ZC3H12D: variants seen among roughly 807,000 people sequenced by gnomAD.
ZC3H12D encodes the protein probable ribonuclease ZC3H12D.
Under a neutral mutation model 24.2 loss-of-function variants are expected in ZC3H12D, and 11 were observed. The ratio of observed to expected loss-of-function variants is 0.46; its 90% CI spans 0.29 to 0.75. The LOEUF is 0.75. Among genes scored for constraint, ZC3H12D ranks in the 30% least tolerant of loss-of-function variants. The pLI is 0.11. For missense variants in ZC3H12D, 740 were observed against 767.7 expected, an observed-to-expected ratio of 0.96 and a Z score of 0.43; for synonymous variants, 333 against 341.8, an observed-to-expected ratio of 0.97 and a Z score of 0.28.
At chr6:149,479,621 T>G (rs1776393022) in intron 1 of ZC3H12D, among the ~76,000 whole-genome samples, 1 of 152,194 alleles carries the variant, frequency 6.6e-6, no homozygotes, top group East Asian at 1.9e-4. Flanking sequence ...CTCAAGACAC[T>G]GAATTACTCA....
intron 1 of ZC3H12D, among the ~76,000 whole-genome samples, chr6:149,481,890 G>A (rs1675330369): frequency 6.6e-6 from 1 of 152,244 alleles, no homozygotes; most frequent in Non-Finnish European, 1.5e-5. Context: ...TGGGTCAGGT[G>A]ACTTCTCTTC....
rs965270224 is a variant in ZC3H12D at position 149,481,189 on chromosome 6, C to T, written c.-71+3624G>A. ...CTCAGAAGCCTTCCCACCCCGACAG[C>T]CCCAGCCACCTCCATCCCTCCCCAC... On this transcript the variant is annotated intron_variant, in intron 1 of 5. Coordinates refer to ENST00000409806, the MANE Select transcript of ZC3H12D (RefSeq NM_207360.3). 4.6e-5 allele frequency among the ~76,000 whole-genome samples: 7 copies of T among 151,734 alleles called. 1 individual carries two copies. Among genetic ancestry groups the T allele is most frequent in the African/African-American group, 1.5e-4 (6 of 41,314 alleles).
chr6:149,453,862 C>G (rs1218439631), intron 4 of ZC3H12D, among the ~76,000 whole-genome samples: 1 of 152,144 alleles, frequency 6.6e-6, no homozygotes, highest in Non-Finnish European at 1.5e-5. Flanking sequence ...GAGCTAGACT[C>G]TATCATCTCT....
chr6:149,453,100 C>T (rs1212235719), intron 4 of ZC3H12D, among the ~76,000 whole-genome samples: 1 of 129,158 alleles, frequency 7.7e-6, no homozygotes, highest in Admixed American at 8.4e-5. Flanking sequence ...GCCTGGACAA[C>T]ATAGTGAAAC....
In ZC3H12D at chr6:149,456,560, C is replaced by T. The variant is rs1775982324; in HGVS notation, c.680+106G>A. 11 of 971,146 alleles carry T rather than the reference C, an allele frequency of 1.1e-5. No homozygotes were observed. The Admixed American group carries it at 2.0e-4, about 18-fold the overall frequency. The allele number at this position is 971,146 out of a possible 1,614,324, so 60.2% of individuals were successfully genotyped here. On this transcript the variant is annotated intron_variant, in intron 4 of 5. Coordinates refer to ENST00000409806, the MANE Select transcript of ZC3H12D (RefSeq NM_207360.3). The surrounding 1 kb of genome is among the most constrained non-coding windows in gnomAD (Gnocchi z 4.3). ...AGCTCTGTCTGAGGGGCTGGGTGAC[C>T]GGGTGACCCCAAGCTCCTCCACCTG... is the stretch of plus-strand genomic sequence containing the variant.
rs75156427 is a variant in ZC3H12D, at chr6:149,450,796, G to A, written c.1471C>T (p.Arg491Cys). The A allele has an allele frequency of 4.0e-3, 6,121 of 1,548,998 alleles. 198 individuals are homozygous for A. In the African/African-American group the frequency reaches 0.075, roughly 19 times the overall value. ...ARIALYSVFP[R>C]DQVDRVMAAF... ...GCCATCACGCGGTCCACCTGGTCAC[G>A]CGGGAAGACGCTGTAGAGCGCGATG... The change falls in exon 6 of 6, where the codon CGT (arginine) becomes TGT (cysteine). Residue 491 changes from arginine to cysteine, a missense_variant. Physicochemically the swap from Arg to Cys is radical, Grantham distance 180. Coordinates refer to ENST00000409806, the MANE Select transcript of ZC3H12D (RefSeq NM_207360.3).
rs141728581 is a variant in ZC3H12D, at chr6:149,458,096, T to A, written c.446-1196A>T. Among the ~76,000 whole-genome samples, 9 of 140,318 alleles carry A rather than the reference T, an allele frequency of 6.4e-5. No homozygotes were observed. In the East Asian group the frequency reaches 1.8e-3, roughly 28 times the overall value. The allele number at this position is 140,318 out of a possible 152,430, so 92.1% of individuals were successfully genotyped here. On this transcript the variant is annotated intron_variant, in intron 3 of 5. Transcript: ENST00000409806. ...AAAATGCAGATTATGAGAATCATTT[T>A]CTTTCTTTCTTTTTCTTTTTTTTTT...
intron 2 of ZC3H12D, among the ~76,000 whole-genome samples, chr6:149,473,115 G>T (rs1395259777): frequency 6.8e-6 from 1 of 146,658 alleles, no homozygotes; most frequent in African/African-American, 2.6e-5. Flanking sequence ...ATGCCAGGGA[G>T]ACTTAGCTGG....
intron 2 of ZC3H12D, among the ~76,000 whole-genome samples, chr6:149,464,742 C>CT (rs1448974632): frequency 6.6e-6 from 1 of 152,160 alleles, no homozygotes. Flanking sequence ...TGAGAAGCAG[C>CT]TAGAGGAGAA....
At position 149,447,985 on chromosome 6, in the gene ZC3H12D, G is replaced by A. The variant is rs1026958648; in HGVS notation, c.*2698C>T. ...AATAGAAAGCGTGTCTTGTCAAAAG[G>A]TTAAAAATAAAAATAAAGGCCCGGG... On this transcript the variant is annotated 3_prime_UTR_variant, in exon 6 of 6. Transcript: ENST00000409806. The A allele has an allele frequency of 3.3e-5, 5 of 152,096 alleles. No homozygotes were observed. The highest frequency in any genetic ancestry group is 2.1e-4 in the South Asian group (1 of 4,814). 9.4% of individuals were successfully genotyped at this position (152,096 alleles called of 1,614,324 possible). A position where few individuals can be genotyped will look rare whatever the true frequency, so the allele number is the denominator to read the frequency against.
intron 1 of ZC3H12D, among the ~76,000 whole-genome samples, chr6:149,480,305 A>G (rs1776404362): frequency 6.6e-6 from 1 of 152,274 alleles, no homozygotes; most frequent in Non-Finnish European, 1.5e-5. Context: ...ATCACAGAAT[A>G]CTATGCAGAC....
chr6:149,483,185 G>T (rs1164505248), intron 1 of ZC3H12D: 1 of 152,222 alleles, frequency 6.6e-6, no homozygotes, highest in Non-Finnish European at 1.5e-5. Flanking sequence ...CAGAGCTAGA[G>T]GCCCTCAGTG....
In ZC3H12D at chr6:149,447,078, G is replaced by A. The variant is rs1041011399; in HGVS notation, c.*3605C>T. On this transcript the variant is annotated 3_prime_UTR_variant, in exon 6 of 6. Transcript: ENST00000409806. The stretch of plus-strand genomic sequence containing the variant: ...AGTCTAGGAAATGGGCAAGCAGCCT[G>A]TGTCCTTGGGAACTGCCTGCTGCAC... The A allele has an allele frequency of 2.0e-5, 3 of 152,198 alleles. No homozygotes were observed. Among genetic ancestry groups the A allele is most frequent in the Non-Finnish European group, 2.9e-5 (2 of 68,042 alleles). 9.4% of individuals were successfully genotyped at this position (152,198 alleles called of 1,614,324 possible).
chr6:149,455,967 AAGAC>A (rs991436338), intron 4 of ZC3H12D, among the ~76,000 whole-genome samples: 3 of 151,538 alleles, frequency 2.0e-5, no homozygotes, highest in Admixed American at 6.6e-5. Context: ...AAAAAAAAAA[AAGAC>A]AGCCAGGCAC....
chr6:149,454,063 T>C (rs1002988577), intron 4 of ZC3H12D, among the ~76,000 whole-genome samples: 1 of 152,178 alleles, frequency 6.6e-6, no homozygotes, highest in Admixed American at 6.5e-5. Context: ...AGGTGCTGCC[T>C]GCACATACAG....
chr6:149,483,928 G>A (rs571743029), intron 1 of ZC3H12D, among the ~76,000 whole-genome samples: 59 of 152,180 alleles, frequency 3.9e-4, no homozygotes, highest in Middle Eastern at 3.2e-3. Context: ...TCACCCTTCA[G>A]TGGACACTTG....
chr6:149,457,357 C>G (rs903842170), intron 3 of ZC3H12D, among the ~76,000 whole-genome samples: 1 of 152,166 alleles, frequency 6.6e-6, no homozygotes, highest in Non-Finnish European at 1.5e-5. Flanking sequence ...CTGCATGGGC[C>G]CCTAGCTGGG....
intron 3 of ZC3H12D, among the ~76,000 whole-genome samples, chr6:149,459,170 T>G (rs559200330): frequency 3.7e-4 from 57 of 152,300 alleles, no homozygotes; most frequent in African/African-American, 1.3e-3. Flanking sequence ...TTGTGGCTTA[T>G]TTAAAAATTC....
chr6:149,453,143 A>AG (rs1775927664), intron 4 of ZC3H12D, among the ~76,000 whole-genome samples: 1 of 151,664 alleles, frequency 6.6e-6, no homozygotes, highest in African/African-American at 2.4e-5. Flanking sequence ...AAAAAAAAAA[A>AG]AAAGAAAATT....
Sources: allele counts gnomAD v4.1 joint callset (sites outside exome capture counted in the v4.1 genomes callset), GRCh38; gene constraint gnomAD v4.1.1; non-coding constraint Gnocchi (gnomAD v3.1); transcripts MANE v1.5; gene names NCBI Gene and HGNC (gene_info 2026-07-23, HGNC 2026-07-21).